CFH: variants seen among roughly 807,000 people sequenced by gnomAD.
CFH encodes complement factor H.
CFH carries 53 observed loss-of-function variants against 147.3 expected under a neutral mutation model. That is an observed-to-expected ratio of 0.36 (90% CI 0.29 to 0.45). The LOEUF (loss-of-function observed/expected upper bound fraction) is 0.45. Ranked by LOEUF, CFH falls within the 20% of genes least tolerant of loss-of-function variation. CFH has a pLI of 1.00. For synonymous variants in CFH, 536 were observed against 489.4 expected (o/e 1.10, Z -1.26); for missense variants, 1,380 against 1,498.0 (o/e 0.92, Z 1.30).
intron 1 of CFH, among the ~76,000 whole-genome samples, chr1:196,672,446 C>G (rs1005548972): frequency 1.3e-5 from 2 of 152,086 alleles, no homozygotes; most frequent in African/African-American, 4.8e-5. Flanking sequence ...ATTTGGAGTG[C>G]CTGTATAATT....
At chr1:196,715,531 A>C in intron 10 of CFH, 62 bp from the exon 11 acceptor site, 1 of 1,306,204 alleles carries the variant, frequency 7.7e-7, no homozygotes, top group Non-Finnish European at 1.1e-6. Context: ...TTAGAATGGG[A>C]AATACTCAGA....
At chr1:196,664,378 A>G (rs998743947) in intron 1 of CFH, among the ~76,000 whole-genome samples, 3 of 152,138 alleles carry the variant, frequency 2.0e-5, no homozygotes, top group African/African-American at 7.2e-5. Flanking sequence ...TTTTATTGTG[A>G]AGGTGTCCTA....
intron 4 of CFH, 44 bp downstream of exon 4, chr1:196,676,109 A>G: frequency 1.7e-6 from 2 of 1,205,802 alleles, no homozygotes; most frequent in Non-Finnish European, 2.4e-6. Context: ...ATAAATATCT[A>G]AGATTTAAAA....
At chr1:196,675,850 CA>C (rs2149079601) in intron 3 of CFH, 138 bp from the exon 4 acceptor site, 1 of 548,826 alleles carries the variant, frequency 1.8e-6, no homozygotes, top group East Asian at 3.0e-5. Context: ...GAAAAACAAA[CA>C]AGAAACAAGA....
At chr1:196,692,969 A>G (rs2149091177) in intron 9 of CFH, among the ~76,000 whole-genome samples, 1 of 137,170 alleles carries the variant, frequency 7.3e-6, no homozygotes, top group South Asian at 2.2e-4. Flanking sequence ...GGCTCAAGTT[A>G]TTCTTAAGAA....
rs203669 is a variant in CFH at position 196,720,864 on chromosome 1, C to A, written c.1697-4257C>A. Among the ~76,000 whole-genome samples, 976 of 151,878 alleles carry A rather than the reference C, an allele frequency of 6.4e-3. 9 individuals are homozygous for A. The highest frequency in any genetic ancestry group is 0.022 in the African/African-American group (909 of 41,508). ...TGAAATGGTAGTTCTGTTTTTAGTT[C>A]TTTGGGAAATGTCCATTCTGTTTTC... On this transcript the variant is annotated intron_variant, in intron 11 of 21. Transcript: ENST00000367429.
At chr1:196,729,214 TCTG>T (rs1401620065) in intron 15 of CFH, among the ~76,000 whole-genome samples, 1 of 152,096 alleles carries the variant, frequency 6.6e-6, no homozygotes, top group African/African-American at 2.4e-5. Context: ...CAAAAACTAA[TCTG>T]CTATCAACAT....
At chr1:196,735,878 C>T (rs1394729878) in intron 15 of CFH, among the ~76,000 whole-genome samples, 2 of 151,978 alleles carry the variant, frequency 1.3e-5, no homozygotes, top group African/African-American at 2.4e-5. Flanking sequence ...TTCATCCAAA[C>T]GTCTCCCTGA....
intron 21 of CFH, 95 bp from the exon 22 acceptor site, chr1:196,747,016 C>T (rs1653033218): frequency 1.9e-6 from 3 of 1,568,614 alleles, no homozygotes; most frequent in Admixed American, 1.8e-5. Flanking sequence ...GAAATAATTC[C>T]TGAACCATCA....
intron 15 of CFH, among the ~76,000 whole-genome samples, chr1:196,732,059 T>G (rs764395894): frequency 6.6e-6 from 1 of 152,078 alleles, no homozygotes; most frequent in Non-Finnish European, 1.5e-5. Context: ...TGTCATTATT[T>G]TTTTGAATAT....
chr1:196,676,142 T>G, intron 4 of CFH, 77 bp downstream of exon 4: 2 of 851,022 alleles, frequency 2.4e-6, no homozygotes, highest in Non-Finnish European at 3.7e-6. Flanking sequence ...TAAAATATCT[T>G]AAAGTCTCTA....
In CFH at chr1:196,653,368, AC is replaced by A. The variant is rs1429102608; in HGVS notation, c.58+1195del. On this transcript the variant is annotated intron_variant, in intron 1 of 21. Coordinates refer to ENST00000367429, the MANE Select transcript of CFH (RefSeq NM_000186.4). ...ATTATAATTAGTATTTTAAAATGAA[AC>A]CTTTTTGTATTTACAAACAGTTCCA... Among the ~76,000 whole-genome samples, 12 of 151,832 alleles carry A rather than the reference AC, an allele frequency of 7.9e-5. No homozygotes were observed. In the South Asian group the frequency reaches 1.5e-3, roughly 18 times the overall value.
Position 196,667,109 on chromosome 1 carries a change from T to C in CFH, c.59-5869T>C, listed in dbSNP as rs147053007. The stretch of plus-strand genomic sequence containing the variant: ...TTAAATCTCAAACTATGATGGTGGA[T>C]TGCTTACTTCTTTTATTTCTGTTAT... On this transcript the variant is annotated intron_variant, in intron 1 of 21. Transcript: ENST00000367429. Among the ~76,000 whole-genome samples the C allele has an allele frequency of 3.9e-5, 6 of 152,328 alleles. No homozygotes were observed. The East Asian group carries it at 1.2e-3, about 29-fold the overall frequency.
At chr1:196,663,522 T>A (rs1666975158) in intron 1 of CFH, among the ~76,000 whole-genome samples, 1 of 152,234 alleles carries the variant, frequency 6.6e-6, no homozygotes, top group Non-Finnish European at 1.5e-5. Flanking sequence ...GATTATAGTC[T>A]GTATATATTT....
At chr1:196,717,155 G>A (rs947057888) in intron 11 of CFH, among the ~76,000 whole-genome samples, 1 of 152,058 alleles carries the variant, frequency 6.6e-6, no homozygotes. Flanking sequence ...TTAATGAAAA[G>A]GTAGTGTAAC....
At chr1:196,684,390 G>A (rs1667753424) in intron 6 of CFH, among the ~76,000 whole-genome samples, 1 of 151,970 alleles carries the variant, frequency 6.6e-6, no homozygotes, top group Non-Finnish European at 1.5e-5. Flanking sequence ...GTATCTCAAT[G>A]TTTAAGATAT....
rs1553275284 is a variant in CFH, at chr1:196,692,881, C to CCTACCTACCTACCTA, written c.1336+2643_1336+2644insTACCTACCTACCTAC. On this transcript the variant is annotated intron_variant, in intron 9 of 21. Transcript: ENST00000367429. Reference sequence around the variant, plus strand: ...CCTTCCCTCCCTCCCTCTGTCACCTCCCTCCCTCCCTCCCTCCCTCCCTTC... The same window carrying CCTACCTACCTACCTA: ...CCTTCCCTCCCTCCCTCTGTCACCTCCTACCTACCTACCTACCTCCCTCCCTCCCTCCCTCCCTTC... Among the ~76,000 whole-genome samples the CCTACCTACCTACCTA allele has an allele frequency of 1.5e-3, 86 of 57,348 alleles. 4 individuals are homozygous for CCTACCTACCTACCTA. Among genetic ancestry groups the CCTACCTACCTACCTA allele is most frequent in the Middle Eastern group, 9.3e-3 (1 of 108 alleles). The allele number at this position is 57,348 out of a possible 152,430, so 37.6% of individuals were successfully genotyped here.
chr1:196,687,077 T>C (rs2149086733), intron 7 of CFH, among the ~76,000 whole-genome samples: 1 of 152,170 alleles, frequency 6.6e-6, no homozygotes, highest in South Asian at 2.1e-4. Context: ...CTAAGCTGAA[T>C]CTAATAAGAT....
intron 15 of CFH, among the ~76,000 whole-genome samples, chr1:196,735,443 A>G (rs1038240614): frequency 1.3e-5 from 2 of 152,106 alleles, no homozygotes; most frequent in Non-Finnish European, 2.9e-5. Flanking sequence ...ATGTTCTTCA[A>G]ATTTATTTGC....
Sources: gnomAD v4.1 joint callset for allele counts (sites outside exome capture counted in the v4.1 genomes callset) on GRCh38, gnomAD v4.1.1 for gene constraint, MANE v1.5 for transcripts, NCBI Gene and HGNC (gene_info 2026-07-23, HGNC 2026-07-21) for gene names.